CNTN5: variants seen among roughly 807,000 people sequenced by gnomAD.
CNTN5 encodes the protein contactin-5.
Under a neutral mutation model 129.1 loss-of-function variants are expected in CNTN5, and 77 were observed. The observed-to-expected ratio is 0.60, with a 90% CI of 0.50 to 0.72. The LOEUF (loss-of-function observed/expected upper bound fraction) is 0.72. Among genes scored for constraint, CNTN5 ranks in the 30% least tolerant of loss-of-function variants. The pLI is 0.00. For synonymous variants in CNTN5, 509 were observed against 465.6 expected, an observed-to-expected ratio of 1.09 and a Z score of -1.20; for missense variants, 1,478 against 1,328.8, an observed-to-expected ratio of 1.11 and a Z score of -1.75.
In CNTN5 at chr11:99,641,802, A is replaced by G. The variant is rs184061423; in HGVS notation, c.55+85533A>G. ...CTTCCCTCCCTTTGCCTATCTCCCA[A>G]CTTTTCCAACCCTGCTCAATCCTGC... On this transcript the variant is annotated intron_variant, in intron 3 of 24. Coordinates refer to ENST00000524871, the MANE Select transcript of CNTN5 (RefSeq NM_014361.4). Among the ~76,000 whole-genome samples the G allele has an allele frequency of 3.9e-4, 60 of 152,156 alleles. 1 individual carries two copies. Among genetic ancestry groups the G allele is most frequent in the Middle Eastern group, 3.4e-3 (1 of 294 alleles).
chr11:100,257,251 G>T (rs1950090970), intron 17 of CNTN5, among the ~76,000 whole-genome samples: 1 of 152,138 alleles, frequency 6.6e-6, no homozygotes, highest in Non-Finnish European at 1.5e-5. Context: ...TCCTCTCTGG[G>T]CAGGGCATCT....
chr11:100,285,422 T>G (rs2138835380), intron 18 of CNTN5, among the ~76,000 whole-genome samples: 1 of 152,248 alleles, frequency 6.6e-6, no homozygotes, highest in East Asian at 1.9e-4. Flanking sequence ...TTTTAGCACA[T>G]GGCACACTCC....
intron 3 of CNTN5, among the ~76,000 whole-genome samples, chr11:99,567,796 T>C (rs1949054947): frequency 6.6e-6 from 1 of 152,208 alleles, no homozygotes. Flanking sequence ...TTTTATCAGC[T>C]GTGCCCTGGC....
At chr11:99,313,008 C>T (rs1591508190) in intron 1 of CNTN5, among the ~76,000 whole-genome samples, 1 of 151,814 alleles carries the variant, frequency 6.6e-6, no homozygotes. Context: ...AAGTAGAAAA[C>T]CCAGAGCTAC....
Position 99,954,015 on chromosome 11 carries a change from C to T in CNTN5, c.674-2791C>T, listed in dbSNP as rs144439289. On this transcript the variant is annotated intron_variant, in intron 7 of 24. Coordinates refer to ENST00000524871, the MANE Select transcript of CNTN5 (RefSeq NM_014361.4). ...TTTAATCCATCTTGAGTTAATTTTTCATAAGGTGTAAGCAAGGGGTCCAGG... is the reference window on the plus strand; with the variant it reads ...TTTAATCCATCTTGAGTTAATTTTTTATAAGGTGTAAGCAAGGGGTCCAGG... 1.1e-3 allele frequency among the ~76,000 whole-genome samples: 163 copies of T among 151,950 alleles called. 2 individuals carry two copies. Among genetic ancestry groups the T allele is most frequent in the African/African-American group, 3.6e-3 (149 of 41,442 alleles).
At chr11:99,688,032 A>G (rs1262521010) in intron 3 of CNTN5, among the ~76,000 whole-genome samples, 1 of 152,170 alleles carries the variant, frequency 6.6e-6, no homozygotes, top group Non-Finnish European at 1.5e-5. Context: ...TTTAAGTAAT[A>G]TGTTGATTGG....
intron 1 of CNTN5, among the ~76,000 whole-genome samples, chr11:99,162,276 GT>G (rs34253933): frequency 1.3e-5 from 2 of 150,156 alleles, no homozygotes; most frequent in Middle Eastern, 3.4e-3. Flanking sequence ...TCCTAGACAT[GT>G]TTTTTTTTTC....
intron 3 of CNTN5, among the ~76,000 whole-genome samples, chr11:99,689,830 C>G (rs1311924224): frequency 6.6e-6 from 1 of 151,970 alleles, no homozygotes; most frequent in Non-Finnish European, 1.5e-5. Flanking sequence ...GGATATTACT[C>G]CTTTGTCAGA....
chr11:99,146,346 G>A (rs1222222437), intron 1 of CNTN5, among the ~76,000 whole-genome samples: 2 of 152,046 alleles, frequency 1.3e-5, no homozygotes, highest in Non-Finnish European at 1.5e-5. Context: ...GATAAATTAT[G>A]TATTACACAT....
intron 6 of CNTN5, among the ~76,000 whole-genome samples, chr11:99,904,229 A>G (rs1290423137): frequency 6.6e-6 from 1 of 152,084 alleles, no homozygotes; most frequent in Non-Finnish European, 1.5e-5. Flanking sequence ...TCCTGCACCC[A>G]TCAACTCATC....
chr11:99,980,524 C>T lies in CNTN5; in HGVS notation c.878-21510C>T, dbSNP rs138170545. On this transcript the variant is annotated intron_variant, in intron 8 of 24. Transcript: ENST00000524871. ...AGATGCTTCTGAAAGCATTTGATCG[C>T]GCACAAACAGAACTAGGACGATTTG... Among the ~76,000 whole-genome samples the T allele has an allele frequency of 2.4e-3, 358 of 152,192 alleles. 2 individuals carry two copies. The highest frequency in any genetic ancestry group is 8.2e-3 in the African/African-American group (340 of 41,534).
chr11:100,032,533 T>C (rs1941768850), intron 9 of CNTN5, among the ~76,000 whole-genome samples: 1 of 151,870 alleles, frequency 6.6e-6, no homozygotes. Flanking sequence ...AAAATAAAAG[T>C]TTGAGGAGTA....
chr11:99,707,774 T>C (rs1954815584), intron 3 of CNTN5, among the ~76,000 whole-genome samples: 1 of 151,640 alleles, frequency 6.6e-6, no homozygotes, highest in African/African-American at 2.4e-5. Flanking sequence ...TTAAAATGTT[T>C]AGCCTTCCCA....
In CNTN5 at chr11:99,204,605, A is replaced by AT. The variant is rs1320019063; in HGVS notation, c.-209-120740dup. Among the ~76,000 whole-genome samples, 23 of 152,312 alleles carry AT rather than the reference A, an allele frequency of 1.5e-4. No homozygotes were observed. In the Middle Eastern group the frequency reaches 0.014, roughly 90 times the overall value. ...CTAGCTTCTGGCCATGACAAAAGTT[A>AT]TGTCAGCATCATTATGCAACACCTG... On this transcript the variant is annotated intron_variant, in intron 1 of 24. Transcript: ENST00000524871.
intron 3 of CNTN5, among the ~76,000 whole-genome samples, chr11:99,584,132 A>C (rs1466368053): frequency 6.6e-6 from 1 of 152,232 alleles, no homozygotes; most frequent in Non-Finnish European, 1.5e-5. Context: ...TGGGTTCTTC[A>C]AACTAATTTT....
intron 18 of CNTN5, among the ~76,000 whole-genome samples, chr11:100,281,000 T>C (rs1391246964): frequency 6.6e-6 from 1 of 152,162 alleles, no homozygotes; most frequent in Non-Finnish European, 1.5e-5. Context: ...TCACCTCCTT[T>C]TTAACTTTCT....
At chr11:99,937,582 G>T (rs766590908) in intron 7 of CNTN5, among the ~76,000 whole-genome samples, 78 of 152,266 alleles carry the variant, frequency 5.1e-4, no homozygotes, top group Non-Finnish European at 9.1e-4. Flanking sequence ...GATCACTCTG[G>T]GTGCCATTTT....
intron 9 of CNTN5, among the ~76,000 whole-genome samples, chr11:100,003,433 A>G (rs1940001873): frequency 6.6e-6 from 1 of 152,190 alleles, no homozygotes; most frequent in South Asian, 2.1e-4. Flanking sequence ...GAAGCTCAAT[A>G]CTGACAAATG....
chr11:99,159,832 G>T (rs547016095), intron 1 of CNTN5, among the ~76,000 whole-genome samples: 2 of 152,018 alleles, frequency 1.3e-5, no homozygotes, highest in Non-Finnish European at 2.9e-5. Flanking sequence ...CATAAATTTT[G>T]GTTGCTAGTT....
Sources: allele counts gnomAD v4.1 joint callset (sites outside exome capture counted in the v4.1 genomes callset), GRCh38; gene constraint gnomAD v4.1.1; transcripts MANE v1.5; gene names NCBI Gene and HGNC (gene_info 2026-07-23, HGNC 2026-07-21).